WRAP73: variants seen among roughly 807,000 people sequenced by gnomAD.
WRAP73 encodes WD repeat containing, antisense to TP73.
In WRAP73, 55 loss-of-function variants were observed where a neutral mutation model predicts 59.6. The ratio of observed to expected loss-of-function variants is 0.92; its 90% CI spans 0.74 to 1.15. The LOEUF (loss-of-function observed/expected upper bound fraction) is 1.15. Among genes scored for constraint, WRAP73 ranks in the 50% most tolerant of loss-of-function variants. The pLI is 0.00. For synonymous variants in WRAP73, 265 were observed against 258.2 expected (o/e 1.03, Z -0.25); for missense variants, 592 against 608.1 (o/e 0.97, Z 0.28).
intron 8 of WRAP73, chr1:3,634,633 G>T: frequency 3.4e-6 from 1 of 296,352 alleles, no homozygotes; most frequent in Non-Finnish European, 6.6e-6. Flanking sequence ...TCTGGCTGCG[G>T]CCCAGAGCAC....
At position 3,647,407 on chromosome 1, in the gene WRAP73, C is replaced by T. The variant is rs1246257520; in HGVS notation, c.222+1G>A. 1 of 1,612,744 alleles carries T rather than the reference C, an allele frequency of 6.2e-7. No individual in the cohort carries two copies. Among genetic ancestry groups the T allele is most frequent in the Non-Finnish European group, 8.5e-7 (1 of 1,179,450 alleles). ...ATTCTAAGCGACACGGCAGCACACA[C>T]CTGCACCAGCCCTCGCTTGTACATG... On this transcript the variant is annotated splice_donor_variant, in intron 2 of 11. Coordinates refer to ENST00000270708, the MANE Select transcript of WRAP73 (RefSeq NM_017818.4). LOFTEE classifies it high-confidence loss of function.
intron 9 of WRAP73, 75 bp downstream of exon 9, chr1:3,633,323 A>G: frequency 7.2e-7 from 1 of 1,392,280 alleles, no homozygotes; most frequent in Non-Finnish European, 1.0e-6. Context: ...CATAAGGAAC[A>G]TCCGAAGTTT....
intron 10 of WRAP73, 56 bp from the exon 11 acceptor site, chr1:3,631,713 GCCCTGCCCCTCTGCTCTGCTGTTGA>G: frequency 1.3e-6 from 2 of 1,545,720 alleles, no homozygotes; most frequent in Non-Finnish European, 1.7e-6. Context: ...CTCTGTGTTG[GCCCTGCCCCTCTGCTCTGCTGTTGA>G]CACCACAGGA....
rs550138421 is a variant in WRAP73, at chr1:3,639,852, A to C, written c.340-1030T>G. 2.6e-5 allele frequency among the ~76,000 whole-genome samples: 4 copies of C among 151,748 alleles called. No homozygotes were observed. In the East Asian group the frequency reaches 7.8e-4, roughly 30 times the overall value. On this transcript the variant is annotated intron_variant, in intron 3 of 11. Transcript: ENST00000270708. This position sits in a 1 kb window ranked among gnomAD's most constrained non-coding sequence, Gnocchi z 4.3. ...ACTGCCAGCTCCGTGTGTGTCAGGC[A>C]GGGGTCCTCGCTGAGGATGAGGCCC...
In WRAP73 at chr1:3,631,612, C is replaced by T. The variant is rs760566950; in HGVS notation, c.1094G>A (p.Arg365Lys). 6.2e-7 allele frequency: 1 copy of T among 1,604,318 alleles called. No homozygotes were observed. The highest frequency in any genetic ancestry group is 1.1e-5 in the South Asian group (1 of 91,016). The change falls in exon 11 of 12, where the codon AGG (arginine) becomes AAG (lysine). Residue 365 changes from arginine (R) to lysine (K), a missense_variant. Arg to Lys is a conservative substitution (Grantham distance 26). Transcript: ENST00000270708. ...CAGCTGCTCGAGCACCGCGAACAGCCTCAGCTTCTGAATGTCCCAGACCCA... is the reference window on the plus strand; with the variant it reads ...CAGCTGCTCGAGCACCGCGAACAGCTTCAGCTTCTGAATGTCCCAGACCCA... ...AVWVWDIQKL[R>K]LFAVLEQLSP...
intron 9 of WRAP73, chr1:3,632,540 G>A: frequency 1.3e-6 from 1 of 745,806 alleles, no homozygotes; most frequent in South Asian, 1.8e-5. Context: ...CCCCGGATGA[G>A]AGTGGCACCA....
At chr1:3,649,848 C>A (rs1285712969) in intron 1 of WRAP73, 83 bp downstream of exon 1, 29 of 1,470,214 alleles carry the variant, frequency 2.0e-5, no homozygotes, top group Non-Finnish European at 2.5e-5. Flanking sequence ...CTGCCTCCAC[C>A]CACGCGGCCG....
chr1:3,633,746 C>T, intron 8 of WRAP73: 1 of 483,774 alleles, frequency 2.1e-6, no homozygotes, highest in Non-Finnish European at 3.6e-6. Context: ...CAAATGTGTG[C>T]CCTGTGATTA....
intron 8 of WRAP73, 31 bp from the exon 9 acceptor site, chr1:3,633,534 C>G: frequency 6.5e-7 from 1 of 1,538,180 alleles, no homozygotes; most frequent in Middle Eastern, 1.8e-4. Flanking sequence ...ACGCCCGGCT[C>G]AGGACAGGGA....
rs991016325 is a variant in WRAP73 at position 3,638,878 on chromosome 1, C to T, written c.340-56G>A. The T allele has an allele frequency of 8.3e-5, 133 of 1,597,252 alleles. 2 individuals carry two copies. The Admixed American group carries it at 2.0e-3, about 25-fold the overall frequency. On this transcript the variant is annotated intron_variant, in intron 3 of 11. Coordinates refer to ENST00000270708, the MANE Select transcript of WRAP73 (RefSeq NM_017818.4). Reference sequence around the variant, plus strand: ...ACACTTCTTTAGCATCATCAGAGACCGTCTCAATCCTCAACCCGCCCACGC... The same window carrying T: ...ACACTTCTTTAGCATCATCAGAGACTGTCTCAATCCTCAACCCGCCCACGC...
intron 3 of WRAP73, among the ~76,000 whole-genome samples, chr1:3,642,297 A>G (rs1428035541): frequency 1.3e-5 from 2 of 152,250 alleles, no homozygotes; most frequent in African/African-American, 4.8e-5. Context: ...CAGATATTCA[A>G]ACACACCATA....
rs752577791 is a variant in WRAP73, at chr1:3,633,517, G to A, written c.817-14C>T. The A allele has an allele frequency of 6.3e-7, 1 of 1,577,198 alleles. No individual in the cohort carries two copies. The highest frequency in any genetic ancestry group is 1.2e-5 in the South Asian group (1 of 86,686). On this transcript the variant is annotated splice_polypyrimidine_tract_variant and intron_variant, in intron 8 of 11. Coordinates refer to ENST00000270708, the MANE Select transcript of WRAP73 (RefSeq NM_017818.4). ...CTTATACACCACCTGAAAGACACAA[G>A]GTGGCCACGCCCGGCTCAGGACAGG... is the stretch of plus-strand genomic sequence containing the variant.
intron 8 of WRAP73, chr1:3,633,733 C>G (rs1644562524): frequency 2.0e-6 from 1 of 508,498 alleles, no homozygotes; most frequent in East Asian, 3.4e-5. Context: ...GAGACACAGG[C>G]AGCAAATGTG....
Position 3,639,960 on chromosome 1 carries a change from G to A in WRAP73, c.340-1138C>T, listed in dbSNP as rs997724997. Among the ~76,000 whole-genome samples the A allele has an allele frequency of 2.0e-5, 3 of 152,214 alleles. No individual in the cohort carries two copies. The highest frequency in any genetic ancestry group is 2.1e-4 in the South Asian group (1 of 4,838). ...TGTCCACAGTGTCACTCCTGCAAACGCTGCCAGGTTGTCAGTATAGGATAT... is the reference window on the plus strand; with the variant it reads ...TGTCCACAGTGTCACTCCTGCAAACACTGCCAGGTTGTCAGTATAGGATAT... On this transcript the variant is annotated intron_variant, in intron 3 of 11. Coordinates refer to ENST00000270708, the MANE Select transcript of WRAP73 (RefSeq NM_017818.4). This position sits in a 1 kb window ranked among gnomAD's most constrained non-coding sequence, Gnocchi z 4.3.
In WRAP73 at chr1:3,632,307, C is replaced by T. The variant is rs1297195040; in HGVS notation, c.954G>A (p.Gln318=). 6.2e-7 allele frequency: 1 copy of T among 1,614,186 alleles called. No individual in the cohort carries two copies. Among genetic ancestry groups the T allele is most frequent in the Non-Finnish European group, 8.5e-7 (1 of 1,180,040 alleles). ...CTCTGTCGGTAACAGGTTTCAGTGT[C>T]TGTAAGGAGACTGGGACAGAGGCGA... ...YEIASVPVSL[Q]TLKPVTDRAN... The change falls in exon 10 of 12, where the codon CAG becomes CAA. Residue 318 remains glutamine, a synonymous_variant. Coordinates refer to ENST00000270708, the MANE Select transcript of WRAP73 (RefSeq NM_017818.4).
chr1:3,635,470 A>G, intron 6 of WRAP73, 176 bp from the exon 7 acceptor site: 1 of 814,354 alleles, frequency 1.2e-6, no homozygotes, highest in South Asian at 1.8e-5. Flanking sequence ...ACGGAGAGGC[A>G]GTGAGAGCAT....
rs915910704 is a variant in WRAP73, at chr1:3,639,801, G to A, written c.340-979C>T. Among the ~76,000 whole-genome samples, 9 of 150,480 alleles carry A rather than the reference G, an allele frequency of 6.0e-5. No homozygotes were observed. The highest frequency in any genetic ancestry group is 2.0e-4 in the African/African-American group (8 of 40,106). Reference sequence around the variant, plus strand: ...TCCGTGTGTGGGGACACAGGGCTGCGCAGCTCCATGCGGGGTGGGGTGCTG... The same window carrying A: ...TCCGTGTGTGGGGACACAGGGCTGCACAGCTCCATGCGGGGTGGGGTGCTG... On this transcript the variant is annotated intron_variant, in intron 3 of 11. Transcript: ENST00000270708. The surrounding 1 kb of genome is among the most constrained non-coding windows in gnomAD (Gnocchi z 4.3).
chr1:3,649,808 T>A, intron 1 of WRAP73, 123 bp downstream of exon 1: 1 of 1,060,180 alleles, frequency 9.4e-7, no homozygotes, highest in Non-Finnish European at 1.3e-6. Context: ...CCCGCACCTG[T>A]CCGGGCACCG....
At chr1:3,649,863 C>T in intron 1 of WRAP73, 68 bp downstream of exon 1, 2 of 1,524,340 alleles carry the variant, frequency 1.3e-6, no homozygotes, top group Non-Finnish European at 1.8e-6. Context: ...CGGCCGCCCC[C>T]GGCCCTGCCC....
Sources: gnomAD v4.1 joint callset for allele counts (sites outside exome capture counted in the v4.1 genomes callset) on GRCh38, gnomAD v4.1.1 for gene constraint, Gnocchi (gnomAD v3.1) non-coding constraint, MANE v1.5 for transcripts, NCBI Gene and HGNC (gene_info 2026-07-23, HGNC 2026-07-21) for gene names.